Variants in GVQW3 observed in about 807,000 individuals in gnomAD.
The protein encoded by GVQW3 is GVQW motif containing 3.
GVQW3 carries 7 observed loss-of-function variants against 12.5 expected under a neutral mutation model. The observed-to-expected ratio is 0.56, with a 90% confidence interval of 0.32 to 1.05. GVQW3 has a LOEUF of 1.05. Among genes scored for constraint, GVQW3 ranks in the 50% least tolerant of loss-of-function variants. The pLI is 0.04. For missense variants in GVQW3, 188 were observed against 190.8 expected (o/e 0.99, Z 0.09); for synonymous variants, 71 against 67.2 (o/e 1.06, Z -0.28).
intron 1 of GVQW3, among the ~76,000 whole-genome samples, chr11:76,390,875 T>G (rs923674893): frequency 6.6e-6 from 1 of 151,044 alleles, no homozygotes; most frequent in Admixed American, 6.6e-5. Flanking sequence ...TGTTAGATAG[T>G]GATTATTAGA....
chr11:76,400,004 T>TACAC (rs1346744906), intron 1 of GVQW3, among the ~76,000 whole-genome samples: 5 of 78,760 alleles, frequency 6.3e-5, no homozygotes, highest in South Asian at 4.9e-4. Context: ...TCTCTCTCTG[T>TACAC]ATACACACAC....
rs540446565 is a variant in GVQW3 at position 76,404,000 on chromosome 11, T to A, written c.*242T>A. Reference sequence around the variant, plus strand: ...TTACTCGGTCTACCAATTCAAATGCTAATCTCTTCCGGAAACATCCCCACA... The same window carrying A: ...TTACTCGGTCTACCAATTCAAATGCAAATCTCTTCCGGAAACATCCCCACA... On this transcript the variant is annotated 3_prime_UTR_variant, in exon 2 of 2. Coordinates refer to ENST00000529331, the MANE Select transcript of GVQW3 (RefSeq NM_001347885.2). 4.6e-6 allele frequency: 3 copies of A among 659,188 alleles called. No homozygotes were observed. Among genetic ancestry groups the A allele is most frequent in the South Asian group, 3.2e-5 (2 of 62,396 alleles). The allele number at this position is 659,188 out of a possible 1,614,324, so 40.8% of individuals were successfully genotyped here. A position where few individuals can be genotyped will look rare whatever the true frequency, so the allele number is the denominator to read the frequency against.
exon 2 of GVQW3, chr11:76,413,491 T>C (rs1275926888): frequency 6.6e-6 from 1 of 152,220 alleles, no homozygotes; most frequent in Non-Finnish European, 1.5e-5. Context: ...TGAGCCACAG[T>C]TCCTCATCTA....
At chr11:76,385,021 T>C (rs551020616) in intron 1 of GVQW3, among the ~76,000 whole-genome samples, 3 of 152,168 alleles carry the variant, frequency 2.0e-5, no homozygotes, top group Non-Finnish European at 4.4e-5. Context: ...TGAGACAACT[T>C]ACTTCTGGAT....
chr11:76,382,371 A>G (rs539275078), intron 1 of GVQW3, 78 bp downstream of exon 1: 1 of 905,928 alleles, frequency 1.1e-6, no homozygotes, highest in South Asian at 1.4e-5. Flanking sequence ...CCCATCCCAG[A>G]GTCCACTACT....
At chr11:76,401,796 GAAAGA>G (rs1330252261) in intron 1 of GVQW3, among the ~76,000 whole-genome samples, 7 of 143,088 alleles carry the variant, frequency 4.9e-5, no homozygotes, top group Admixed American at 3.5e-4. Flanking sequence ...AAAAAAGAAA[GAAAGA>G]AAAGAAAAGA....
intron 1 of GVQW3, among the ~76,000 whole-genome samples, chr11:76,393,182 C>T (rs1946908896): frequency 6.6e-6 from 1 of 152,280 alleles, no homozygotes; most frequent in African/African-American, 2.4e-5. Context: ...TTGTAGAATA[C>T]ATAAAATGAG....
At chr11:76,412,093 G>A (rs146201820), downstream of GVQW3, 316 of 152,268 alleles carry the variant, frequency 2.1e-3, no homozygotes, top group Non-Finnish European at 3.6e-3. Flanking sequence ...GAACTCAACC[G>A]TTGTAAATTA....
chr11:76,388,059 A>G (rs1946853885), intron 1 of GVQW3, among the ~76,000 whole-genome samples: 1 of 152,248 alleles, frequency 6.6e-6, no homozygotes, highest in African/African-American at 2.4e-5. Flanking sequence ...TTGACTAAAA[A>G]TGATATTATA....
At chr11:76,402,999 G>A (rs768307587) in intron 1 of GVQW3, among the ~76,000 whole-genome samples, 95 of 152,100 alleles carry the variant, frequency 6.2e-4, no homozygotes, top group Non-Finnish European at 1.0e-3. Flanking sequence ...CCAGGCTGGA[G>A]TGCAGTGGCG....
chr11:76,404,700 C>T lies in GVQW3; in HGVS notation c.*942C>T, dbSNP rs532296582. On this transcript the variant is annotated 3_prime_UTR_variant, in exon 2 of 2. Coordinates refer to ENST00000529331, the MANE Select transcript of GVQW3 (RefSeq NM_001347885.2). ...GGAGGAAGCCCAGGCCATGGCAGGA[C>T]TTACCTGTTGAGTCCTGCTGGGTTT... The T allele has an allele frequency of 3.3e-5, 5 of 152,268 alleles. No individual in the cohort carries two copies. The highest frequency in any genetic ancestry group is 6.5e-5 in the Admixed American group (1 of 15,284). The allele number at this position is 152,268 out of a possible 1,614,324, so 9.4% of individuals were successfully genotyped here. A position where few individuals can be genotyped will look rare whatever the true frequency, so the allele number is the denominator to read the frequency against.
chr11:76,410,527 C>T (rs1280282071), downstream of GVQW3, among the ~76,000 whole-genome samples: 1 of 151,962 alleles, frequency 6.6e-6, no homozygotes, highest in Non-Finnish European at 1.5e-5. Context: ...CTTAAATCTC[C>T]AAGAGGTAGA....
At chr11:76,395,841 T>A (rs1416257382) in intron 1 of GVQW3, among the ~76,000 whole-genome samples, 4 of 152,204 alleles carry the variant, frequency 2.6e-5, no homozygotes, top group Non-Finnish European at 5.9e-5. Context: ...TTTTTGGAAA[T>A]AGCTTTTGGC....
chr11:76,392,559 C>G (rs1276404926), intron 1 of GVQW3: 1 of 152,196 alleles, frequency 6.6e-6, no homozygotes, highest in Non-Finnish European at 1.5e-5. Flanking sequence ...ATTACTCCAT[C>G]GGTAATTATT....
chr11:76,387,619 A>G (rs1301044091), intron 1 of GVQW3, among the ~76,000 whole-genome samples: 1 of 151,984 alleles, frequency 6.6e-6, no homozygotes, highest in Non-Finnish European at 1.5e-5. Flanking sequence ...GTGTCTGACA[A>G]TTTATTTGTG....
At chr11:76,411,404 C>T (rs1053143946), downstream of GVQW3, 23 of 152,178 alleles carry the variant, frequency 1.5e-4, no homozygotes, top group African/African-American at 5.6e-4. Context: ...TGAATGTGAC[C>T]CAATTTAAAC....
At chr11:76,392,825 T>C (rs1351841796) in intron 1 of GVQW3, 1 of 152,224 alleles carries the variant, frequency 6.6e-6, no homozygotes, top group African/African-American at 2.4e-5. Context: ...AAGTAGTGTG[T>C]TATGTTTTGT....
At chr11:76,392,528 T>C (rs1248617975) in intron 1 of GVQW3, 1 of 152,260 alleles carries the variant, frequency 6.6e-6, no homozygotes, top group Non-Finnish European at 1.5e-5. Flanking sequence ...TGAACTTCGC[T>C]CAGTCCGTGA....
intron 1 of GVQW3, among the ~76,000 whole-genome samples, chr11:76,387,784 A>G (rs1375039045): frequency 6.6e-6 from 1 of 152,110 alleles, no homozygotes; most frequent in African/African-American, 2.4e-5. Flanking sequence ...TTAGCCTGGC[A>G]TGGTGGCACG....
Sources: gnomAD v4.1 joint callset for allele counts (sites outside exome capture counted in the v4.1 genomes callset) on GRCh38, gnomAD v4.1.1 for gene constraint, MANE v1.5 for transcripts, NCBI Gene and HGNC (gene_info 2026-07-23, HGNC 2026-07-21) for gene names.